The following RPS6KA2 variants were observed in gnomAD, a reference collection of about 807,000 sequenced individuals.
RPS6KA2 encodes ribosomal protein S6 kinase A2, also known as ribosomal protein S6 kinase alpha-2.
In RPS6KA2, 42 loss-of-function variants were observed where a neutral mutation model predicts 91.8. The ratio of observed to expected loss-of-function variants is 0.46; its 90% CI spans 0.36 to 0.59. The LOEUF (loss-of-function observed/expected upper bound fraction) is 0.59. Among genes scored for constraint, RPS6KA2 ranks in the 20% least tolerant of loss-of-function variants. The pLI is 0.00. For synonymous variants in RPS6KA2, 414 were observed against 393.6 expected (o/e 1.05, Z -0.61); for missense variants, 798 against 978.5 (o/e 0.82, Z 2.46).
At chr6:166,581,180 T>C (rs2128515832) in intron 1 of RPS6KA2, among the ~76,000 whole-genome samples, 1 of 152,350 alleles carries the variant, frequency 6.6e-6, no homozygotes, top group South Asian at 2.1e-4. Flanking sequence ...CTTGAGCCAC[T>C]GTGTCTGGCC....
At chr6:166,801,429 A>G (rs1311588661) in intron 2 of RPS6KA2, among the ~76,000 whole-genome samples, 2 of 152,156 alleles carry the variant, frequency 1.3e-5, no homozygotes, top group Non-Finnish European at 1.5e-5. Context: ...TGCAGCCTCC[A>G]ACTCATAGGC....
intron 16 of RPS6KA2, among the ~76,000 whole-genome samples, chr6:166,425,154 TTC>T (rs1778864189): frequency 6.6e-6 from 1 of 152,242 alleles, no homozygotes; most frequent in Admixed American, 6.5e-5. Flanking sequence ...AGCCCTCATC[TTC>T]TGTTAGTTTC....
chr6:166,757,443 C>G (rs1039382358), intron 2 of RPS6KA2: 27 of 450,832 alleles, frequency 6.0e-5, no homozygotes, highest in South Asian at 3.6e-4. Context: ...GCCGCCCAAG[C>G]TCTGTCACAC....
At chr6:166,631,872 C>T (rs1238002852), upstream of RPS6KA2, among the ~76,000 whole-genome samples, 2 of 152,208 alleles carry the variant, frequency 1.3e-5, no homozygotes, top group Non-Finnish European at 2.9e-5. Flanking sequence ...AGACAGGTGG[C>T]ACCTCAGGGC....
Position 166,639,226 on chromosome 6 carries a change from C to A in RPS6KA2, c.124-100442G>T, listed in dbSNP as rs940857622. On this transcript the variant is annotated intron_variant, in intron 2 of 21. Transcript: ENST00000503859. This position sits in a 1 kb window ranked among gnomAD's most constrained non-coding sequence, Gnocchi z 4.2. ...TTCAACTGTATTGTCTTATGCAAGGCATAACCATGTGCCCCGCTGCCCAAA... is the reference window on the plus strand; with the variant it reads ...TTCAACTGTATTGTCTTATGCAAGGAATAACCATGTGCCCCGCTGCCCAAA... Among the ~76,000 whole-genome samples the A allele has an allele frequency of 6.6e-6, 1 of 152,216 alleles. No individual in the cohort carries two copies. The highest frequency in any genetic ancestry group is 2.4e-5 in the African/African-American group (1 of 41,452).
rs1782320960 is a variant in RPS6KA2 at position 166,508,084 on chromosome 6, CA to C, written c.459+118del. The C allele has an allele frequency of 7.3e-5, 48 of 654,484 alleles. No individual in the cohort carries two copies. The highest frequency in any genetic ancestry group is 6.2e-4 in the South Asian group (34 of 55,274). 40.5% of individuals were successfully genotyped at this position (654,484 alleles called of 1,614,324 possible). A position where few individuals can be genotyped will look rare whatever the true frequency, so the allele number is the denominator to read the frequency against. On this transcript the variant is annotated intron_variant, in intron 5 of 20. Coordinates refer to ENST00000265678, the MANE Select transcript of RPS6KA2 (RefSeq NM_021135.6). The surrounding 1 kb of genome is among the most constrained non-coding windows in gnomAD (Gnocchi z 4.3). ...ACACTCACACATGCACACACCCCCA[CA>C]CACACACACGCACTCTCGCACGTGC...
At chr6:166,451,468 T>C (rs1199434889) in intron 12 of RPS6KA2, among the ~76,000 whole-genome samples, 1 of 151,860 alleles carries the variant, frequency 6.6e-6, no homozygotes, top group Non-Finnish European at 1.5e-5. Flanking sequence ...GATTTTTAAA[T>C]GGCAAAAATA....
rs59516567 is a variant in RPS6KA2, at chr6:166,814,666, T to C, written c.123+43534A>G. ...ACATTACTGCCTGAGCTTCGCCACCTGTCAGGTCAGTGGCAGCATTAGATT... is the reference window on the plus strand; with the variant it reads ...ACATTACTGCCTGAGCTTCGCCACCCGTCAGGTCAGTGGCAGCATTAGATT... On this transcript the variant is annotated intron_variant, in intron 2 of 21. Transcript: ENST00000503859. 5.2e-3 allele frequency among the ~76,000 whole-genome samples: 791 copies of C among 152,314 alleles called. 10 individuals are homozygous for C. Among genetic ancestry groups the C allele is most frequent in the African/African-American group, 0.018 (740 of 41,566 alleles).
At chr6:166,673,021 C>T (rs1025573952) in intron 2 of RPS6KA2, among the ~76,000 whole-genome samples, 2 of 152,148 alleles carry the variant, frequency 1.3e-5, no homozygotes, top group Non-Finnish European at 2.9e-5. Context: ...GGCCCCCGAG[C>T]CCTCTCCCAG....
chr6:166,740,688 G>T (rs962236286), intron 2 of RPS6KA2, among the ~76,000 whole-genome samples: 2 of 152,192 alleles, frequency 1.3e-5, no homozygotes, highest in Non-Finnish European at 2.9e-5. Flanking sequence ...TTGTGACAAA[G>T]GACTGATTTC....
At chr6:166,597,693 T>C (rs1785586180) in intron 1 of RPS6KA2, among the ~76,000 whole-genome samples, 1 of 152,246 alleles carries the variant, frequency 6.6e-6, no homozygotes, top group African/African-American at 2.4e-5. Context: ...AAAATTTTCA[T>C]GAATTTTTCA....
intron 2 of RPS6KA2, among the ~76,000 whole-genome samples, chr6:166,793,165 C>G (rs1277908302): frequency 1.3e-5 from 2 of 152,124 alleles, no homozygotes; most frequent in African/African-American, 4.8e-5. Flanking sequence ...TCTCAGGATA[C>G]AAAATCAATG....
chr6:166,510,880 T>C (rs1260953345), intron 3 of RPS6KA2, among the ~76,000 whole-genome samples: 1 of 152,056 alleles, frequency 6.6e-6, no homozygotes, highest in African/African-American at 2.4e-5. Flanking sequence ...AATGGTCCCA[T>C]ACCTATTTCC....
chr6:166,642,756 T>TA (rs58161468), intron 2 of RPS6KA2, among the ~76,000 whole-genome samples: 22,568 of 151,838 alleles, frequency 0.15, 1,708 homozygotes, highest in East Asian at 0.19. Flanking sequence ...GCAGGATAAG[T>TA]AAAAAAAATA....
chr6:166,461,064 C>A (rs981954879), intron 11 of RPS6KA2, among the ~76,000 whole-genome samples: 3 of 152,080 alleles, frequency 2.0e-5, no homozygotes, highest in Admixed American at 6.5e-5. Context: ...GGGCGAGGTG[C>A]CAACAGACGC....
At chr6:166,679,417 T>A (rs538858702) in intron 2 of RPS6KA2, among the ~76,000 whole-genome samples, 1 of 152,042 alleles carries the variant, frequency 6.6e-6, no homozygotes, top group East Asian at 1.9e-4. Flanking sequence ...TGAGCTGAGA[T>A]CACACCACTG....
intron 1 of RPS6KA2, among the ~76,000 whole-genome samples, chr6:166,861,541 C>A (rs545054983): frequency 6.6e-6 from 1 of 152,338 alleles, no homozygotes; most frequent in East Asian, 1.9e-4. Context: ...AGCCCTGGGA[C>A]GGGCAAGGAA....
chr6:166,576,988 T>C (rs1218031908), intron 1 of RPS6KA2, among the ~76,000 whole-genome samples: 3 of 152,170 alleles, frequency 2.0e-5, no homozygotes, highest in Non-Finnish European at 4.4e-5. Context: ...TCTCAGCCAC[T>C]CCAGCTGTGA....
At chr6:166,469,216 C>T (rs1056818977) in intron 11 of RPS6KA2, among the ~76,000 whole-genome samples, 13 of 152,048 alleles carry the variant, frequency 8.5e-5, no homozygotes, top group East Asian at 1.9e-4. Context: ...AAGTGAGATA[C>T]GAGAACTTCT....
Sources: allele counts gnomAD v4.1 joint callset (sites outside exome capture counted in the v4.1 genomes callset), GRCh38; gene constraint gnomAD v4.1.1; non-coding constraint Gnocchi (gnomAD v3.1); transcripts MANE v1.5; gene names NCBI Gene and HGNC (gene_info 2026-07-23, HGNC 2026-07-21).